CD226: variants seen among roughly 807,000 people sequenced by gnomAD.
CD226 encodes CD226 antigen.
CD226 carries 24 observed loss-of-function variants against 34.9 expected under a neutral mutation model. That is an observed-to-expected ratio of 0.69 (90% CI 0.50 to 0.97). The LOEUF (loss-of-function observed/expected upper bound fraction) is 0.97, where lower values mean the gene tolerates loss of function less well. CD226 is among the 50% of genes least tolerant of loss of function. The probability of loss-of-function intolerance (pLI) is 0.00; values close to 1 mark genes in which losing one functional copy is unlikely to be tolerated. For missense variants in CD226, 397 were observed against 412.7 expected, an observed-to-expected ratio of 0.96 and a Z score of 0.33; for synonymous variants, 148 against 147.4, an observed-to-expected ratio of 1.00 and a Z score of -0.03.
At chr18:69,916,550 T>C (rs568133193) in intron 2 of CD226, among the ~76,000 whole-genome samples, 4 of 152,352 alleles carry the variant, frequency 2.6e-5, no homozygotes, top group Non-Finnish European at 5.9e-5. Context: ...GTTTGATTCA[T>C]AAAGTAATAC....
intron 2 of CD226, among the ~76,000 whole-genome samples, chr18:69,922,064 C>T (rs751320145): frequency 4.6e-5 from 7 of 152,098 alleles, no homozygotes; most frequent in East Asian, 1.9e-4. Flanking sequence ...ACTTACTAAA[C>T]GGAGCACTAA....
intron 2 of CD226, among the ~76,000 whole-genome samples, chr18:69,904,676 C>T (rs2055229863): frequency 6.6e-6 from 1 of 152,200 alleles, no homozygotes; most frequent in Admixed American, 6.5e-5. Flanking sequence ...TGCAGTTTCT[C>T]TCAACCAGAA....
At chr18:69,896,382 C>T (rs1024862928) in intron 2 of CD226, among the ~76,000 whole-genome samples, 9 of 152,096 alleles carry the variant, frequency 5.9e-5, no homozygotes, top group African/African-American at 2.2e-4. Flanking sequence ...GGGCTTTCAC[C>T]GTGTTAGCCA....
At chr18:69,926,127 A>G (rs995677574) in intron 2 of CD226, among the ~76,000 whole-genome samples, 1 of 152,084 alleles carries the variant, frequency 6.6e-6, no homozygotes, top group African/African-American at 2.4e-5. Flanking sequence ...TGGGCGACAG[A>G]GTGAGACTCC....
chr18:69,931,576 A>G (rs985057687), intron 2 of CD226, among the ~76,000 whole-genome samples: 2 of 152,202 alleles, frequency 1.3e-5, no homozygotes, highest in African/African-American at 4.8e-5. Flanking sequence ...ATTAAGGTAG[A>G]GAGACCGACA....
intron 3 of CD226, among the ~76,000 whole-genome samples, chr18:69,885,130 T>C (rs935840312): frequency 1.1e-4 from 16 of 152,126 alleles, no homozygotes; most frequent in African/African-American, 3.6e-4. Context: ...AATAGGAAAT[T>C]TTTCAAATGT....
chr18:69,953,171 C>CA, intron 1 of CD226, among the ~76,000 whole-genome samples: 1 of 152,152 alleles, frequency 6.6e-6, no homozygotes, highest in Non-Finnish European at 1.5e-5. Flanking sequence ...AGAGATTCTT[C>CA]AAAACGTTCA....
chr18:69,942,481 C>T (rs1274990724), intron 2 of CD226, among the ~76,000 whole-genome samples: 2 of 152,210 alleles, frequency 1.3e-5, no homozygotes, highest in Non-Finnish European at 2.9e-5. Flanking sequence ...GAGATGTCCC[C>T]TGGTCTGCAT....
In CD226 at chr18:69,855,875, C is replaced by A. The variant is rs1362641814; in HGVS notation, c.*8439G>T. 6.6e-6 allele frequency: 1 copy of A among 151,910 alleles called. No individual in the cohort carries two copies. Among genetic ancestry groups the A allele is most frequent in the Admixed American group, 6.6e-5 (1 of 15,266 alleles). 9.4% of individuals were successfully genotyped at this position (151,910 alleles called of 1,614,324 possible). A position where few individuals can be genotyped will look rare whatever the true frequency, so the allele number is the denominator to read the frequency against. On this transcript the variant is annotated 3_prime_UTR_variant, in exon 6 of 6. Coordinates refer to ENST00000582621, the MANE Select transcript of CD226 (RefSeq NM_001303618.2). ...ATTAGAAGTGGTGGGTTTAAACACACAAAAAAGATGAATGTTAGAGGTGAC... is the reference window on the plus strand; with the variant it reads ...ATTAGAAGTGGTGGGTTTAAACACAAAAAAAAGATGAATGTTAGAGGTGAC...
At chr18:69,901,987 C>T (rs535078254) in intron 2 of CD226, among the ~76,000 whole-genome samples, 1 of 152,206 alleles carries the variant, frequency 6.6e-6, no homozygotes. Context: ...AATCTCTAAT[C>T]CTAACAATAA....
chr18:69,936,917 C>T (rs975897730), intron 2 of CD226, among the ~76,000 whole-genome samples: 5 of 152,162 alleles, frequency 3.3e-5, no homozygotes, highest in Non-Finnish European at 7.4e-5. Context: ...CCTTCTTAAC[C>T]TTGTTTGAAA....
At chr18:69,881,050 T>C (rs1483686344) in intron 3 of CD226, among the ~76,000 whole-genome samples, 1 of 152,212 alleles carries the variant, frequency 6.6e-6, no homozygotes, top group Non-Finnish European at 1.5e-5. Flanking sequence ...GTAGAAATCA[T>C]AGGTAAATGA....
chr18:69,857,967 C>T lies in CD226; in HGVS notation c.*6347G>A, dbSNP rs1330429922. 1 of 152,076 alleles carries T rather than the reference C, an allele frequency of 6.6e-6. No individual in the cohort carries two copies. Among genetic ancestry groups the T allele is most frequent in the Non-Finnish European group, 1.5e-5 (1 of 68,002 alleles). 9.4% of individuals were successfully genotyped at this position (152,076 alleles called of 1,614,324 possible). On this transcript the variant is annotated 3_prime_UTR_variant, in exon 6 of 6. Coordinates refer to ENST00000582621, the MANE Select transcript of CD226 (RefSeq NM_001303618.2). The stretch of plus-strand genomic sequence containing the variant: ...AAATGGTAGTTCTTGTAAAGGTATA[C>T]CTGTGTCTAGACATAAGTTGCAGGT...
chr18:69,905,602 C>T (rs576529173), intron 2 of CD226, among the ~76,000 whole-genome samples: 41 of 152,250 alleles, frequency 2.7e-4, no homozygotes, highest in African/African-American at 9.1e-4. Flanking sequence ...AAACCAGAGG[C>T]GGTGAAATTT....
chr18:69,918,932 C>T (rs1048807971), intron 2 of CD226, among the ~76,000 whole-genome samples: 9 of 152,150 alleles, frequency 5.9e-5, no homozygotes, highest in African/African-American at 2.2e-4. Flanking sequence ...TCAGGAAGGG[C>T]TGAGATTGTT....
intron 2 of CD226, among the ~76,000 whole-genome samples, chr18:69,942,294 TAG>T (rs1319968178): frequency 6.6e-6 from 1 of 152,220 alleles, no homozygotes; most frequent in Non-Finnish European, 1.5e-5. Flanking sequence ...ACTAAAATAA[TAG>T]AGATACCAAT....
intron 2 of CD226, among the ~76,000 whole-genome samples, chr18:69,909,233 GA>G (rs1213296941): frequency 2.0e-5 from 3 of 152,176 alleles, no homozygotes. Context: ...ACATGGATGA[GA>G]AAACATCTCC....
At chr18:69,906,713 A>C (rs1568185168) in intron 2 of CD226, among the ~76,000 whole-genome samples, 1 of 152,222 alleles carries the variant, frequency 6.6e-6, no homozygotes, top group Non-Finnish European at 1.5e-5. Flanking sequence ...GTTGTAAGGG[A>C]AAATGGCAAA....
At position 69,897,829 on chromosome 18, in the gene CD226, G is replaced by A. The variant is rs546835493; in HGVS notation, c.383-1784C>T. Reference sequence around the variant, plus strand: ...TATCATGGCTACGATAGTTTCAGCCGCACCAAAAACTAGCTTCTCATCTTC... The same window carrying A: ...TATCATGGCTACGATAGTTTCAGCCACACCAAAAACTAGCTTCTCATCTTC... On this transcript the variant is annotated intron_variant, in intron 2 of 5. Coordinates refer to ENST00000582621, the MANE Select transcript of CD226 (RefSeq NM_001303618.2). Among the ~76,000 whole-genome samples the A allele has an allele frequency of 1.1e-4, 16 of 152,252 alleles. No homozygotes were observed. In the East Asian group the frequency reaches 2.1e-3, roughly 20 times the overall value.
Sources: allele counts gnomAD v4.1 joint callset (sites outside exome capture counted in the v4.1 genomes callset), GRCh38; gene constraint gnomAD v4.1.1; transcripts MANE v1.5; gene names NCBI Gene and HGNC (gene_info 2026-07-23, HGNC 2026-07-21).